The following SLC25A13 variants were observed in gnomAD, a reference collection of about 807,000 sequenced individuals.
The protein encoded by SLC25A13 is solute carrier family 25 member 13.
Under a neutral mutation model 85.5 loss-of-function variants are expected in SLC25A13, and 70 were observed. That is an observed-to-expected ratio of 0.82 (90% confidence interval 0.68 to 1.00). The LOEUF (loss-of-function observed/expected upper bound fraction) is 1.00, where lower values mean the gene tolerates loss of function less well. SLC25A13 is among the 50% of genes least tolerant of loss of function. SLC25A13 has a pLI of 0.00. For missense variants in SLC25A13, 765 were observed against 819.8 expected (o/e 0.93, Z 0.82); for synonymous variants, 259 against 288.7 (o/e 0.90, Z 1.04).
Position 96,155,875 on chromosome 7 carries a change from GAT to G in SLC25A13, c.1312-9181_1312-9180del, listed in dbSNP as rs200355007. Among the ~76,000 whole-genome samples the G allele has an allele frequency of 6.0e-3, 919 of 152,312 alleles. 11 individuals carry two copies. The highest frequency in any genetic ancestry group is 0.021 in the African/African-American group (872 of 41,566). ...ATTATTCCCATCTTTCTAGAGATGA[GAT>G]GGAGGCAGAGACTTCTCTTCAAGGT... On this transcript the variant is annotated intron_variant, in intron 13 of 17. Transcript: ENST00000265631.
chr7:96,193,301 C>T, intron 5 of SLC25A13, 118 bp from the exon 6 acceptor site: 2 of 1,217,776 alleles, frequency 1.6e-6, no homozygotes, highest in South Asian at 1.3e-5. Context: ...ATCTAACAAG[C>T]CCTCATCTGC....
chr7:96,242,960 A>AC (rs1797048500), intron 3 of SLC25A13, among the ~76,000 whole-genome samples: 1 of 151,876 alleles, frequency 6.6e-6, no homozygotes, highest in South Asian at 2.1e-4. Context: ...CCAATATTTT[A>AC]CAGTCTGACT....
chr7:96,213,071 C>A (rs1412639375), intron 4 of SLC25A13, among the ~76,000 whole-genome samples: 1 of 152,152 alleles, frequency 6.6e-6, no homozygotes, highest in Non-Finnish European at 1.5e-5. Context: ...CTCTGGAAAA[C>A]TCACACATTT....
At chr7:96,256,144 A>C (rs1016181270) in intron 3 of SLC25A13, among the ~76,000 whole-genome samples, 29 of 152,320 alleles carry the variant, frequency 1.9e-4, no homozygotes, top group African/African-American at 7.0e-4. Context: ...AAAACCATCG[A>C]CACTATGAAG....
intron 4 of SLC25A13, among the ~76,000 whole-genome samples, chr7:96,231,183 G>C (rs1796527150): frequency 6.6e-6 from 1 of 152,174 alleles, no homozygotes; most frequent in Non-Finnish European, 1.5e-5. Context: ...TACCACTCTG[G>C]AGAGTGGAAT....
rs753524525 is a variant in SLC25A13, at chr7:96,234,733, A to G, written c.328+69T>C. The G allele has an allele frequency of 2.1e-3, 1,078 of 520,546 alleles. 1 individual carries two copies. Among genetic ancestry groups the G allele is most frequent in the Non-Finnish European group, 2.8e-3 (965 of 338,786 alleles). The allele number at this position is 520,546 out of a possible 1,614,324, so 32.2% of individuals were successfully genotyped here. A position where few individuals can be genotyped will look rare whatever the true frequency, so the allele number is the denominator to read the frequency against. The stretch of plus-strand genomic sequence containing the variant: ...TCCATACACTTTATTTTGTTCCTAG[A>G]AAAAAAAAAAAGAAAATGCTCACAC... On this transcript the variant is annotated intron_variant, in intron 4 of 17. Transcript: ENST00000265631.
intron 4 of SLC25A13, among the ~76,000 whole-genome samples, chr7:96,223,955 C>T (rs1231108195): frequency 2.6e-5 from 4 of 152,092 alleles, no homozygotes; most frequent in South Asian, 2.1e-4. Context: ...CCAAATAGTT[C>T]AGATCGACAG....
At chr7:96,273,720 T>A (rs1388333070) in intron 3 of SLC25A13, among the ~76,000 whole-genome samples, 1 of 152,206 alleles carries the variant, frequency 6.6e-6, no homozygotes, top group African/African-American at 2.4e-5. Flanking sequence ...TTCTCTCAAC[T>A]TTTTTGTGAC....
intron 4 of SLC25A13, among the ~76,000 whole-genome samples, chr7:96,229,733 A>C (rs1796463506): frequency 6.6e-6 from 1 of 152,184 alleles, no homozygotes; most frequent in Non-Finnish European, 1.5e-5. Flanking sequence ...ACTCACAGCG[A>C]AAGTCTGCAG....
At chr7:96,165,022 T>A (rs910925837) in intron 13 of SLC25A13, among the ~76,000 whole-genome samples, 2 of 152,174 alleles carry the variant, frequency 1.3e-5, no homozygotes, top group African/African-American at 2.4e-5. Flanking sequence ...CACTTTTGAG[T>A]GATTTTAGCT....
chr7:96,151,662 G>T (rs565531869), intron 13 of SLC25A13, among the ~76,000 whole-genome samples: 2 of 151,520 alleles, frequency 1.3e-5, no homozygotes, highest in Non-Finnish European at 2.9e-5. Flanking sequence ...TAAATAATAG[G>T]TCGGGTGCAG....
At chr7:96,186,598 C>T (rs561973925) in intron 9 of SLC25A13, among the ~76,000 whole-genome samples, 91 of 152,150 alleles carry the variant, frequency 6.0e-4, no homozygotes, top group African/African-American at 1.9e-3. Flanking sequence ...TGTCCAATAA[C>T]GGAGGACTAT....
intron 13 of SLC25A13, among the ~76,000 whole-genome samples, chr7:96,160,287 A>C (rs547018399): frequency 6.6e-6 from 1 of 152,348 alleles, no homozygotes; most frequent in African/African-American, 2.4e-5. Flanking sequence ...GAAAGGAAGT[A>C]TCTGGCTGGC....
intron 4 of SLC25A13, among the ~76,000 whole-genome samples, chr7:96,225,928 T>G (rs565211310): frequency 6.6e-6 from 1 of 152,292 alleles, no homozygotes; most frequent in South Asian, 2.1e-4. Flanking sequence ...GCTATTATTT[T>G]CTGCCTGCGA....
At chr7:96,126,447 T>G (rs1007004306) in intron 15 of SLC25A13, among the ~76,000 whole-genome samples, 2 of 152,146 alleles carry the variant, frequency 1.3e-5, no homozygotes, top group Non-Finnish European at 2.9e-5. Context: ...GCTCTGAGCT[T>G]TTAACTTGGA....
At chr7:96,177,054 T>G (rs1027167913) in intron 11 of SLC25A13, among the ~76,000 whole-genome samples, 1 of 152,168 alleles carries the variant, frequency 6.6e-6, no homozygotes, top group Non-Finnish European at 1.5e-5. Flanking sequence ...CCAGACACTA[T>G]TTACCTCATA....
At chr7:96,253,379 C>A (rs151154025) in intron 3 of SLC25A13, among the ~76,000 whole-genome samples, 1 of 152,138 alleles carries the variant, frequency 6.6e-6, no homozygotes, top group Non-Finnish European at 1.5e-5. Flanking sequence ...GCTAACTAAA[C>A]TTCCCTGGAG....
chr7:96,284,263 T>C (rs1045427850), intron 2 of SLC25A13, among the ~76,000 whole-genome samples: 10 of 152,118 alleles, frequency 6.6e-5, no homozygotes, highest in Non-Finnish European at 1.5e-4. Flanking sequence ...TAAATAAATA[T>C]ATAAATATCT....
chr7:96,128,228 T>A lies in SLC25A13; in HGVS notation c.1591+3515A>T, dbSNP rs117315688. Among the ~76,000 whole-genome samples, 463 of 152,348 alleles carry A rather than the reference T, an allele frequency of 3.0e-3. 1 individual carries two copies. Among genetic ancestry groups the A allele is most frequent in the Admixed American group, 7.7e-3 (118 of 15,308 alleles). On this transcript the variant is annotated intron_variant, in intron 15 of 17. Transcript: ENST00000265631. ...CTTCTTAGACATTTTAATTTTGATT[T>A]TCAGGTAAATAATCATTTATAAATA...
Sources: gnomAD v4.1 joint callset for allele counts (sites outside exome capture counted in the v4.1 genomes callset) on GRCh38, gnomAD v4.1.1 for gene constraint, MANE v1.5 for transcripts, NCBI Gene and HGNC (gene_info 2026-07-23, HGNC 2026-07-21) for gene names.